Variants in NSMCE2 observed in about 807,000 individuals in gnomAD.
NSMCE2 encodes NSE2 SUMO ligase component of SMC5/6 complex.
NSMCE2 carries 24 observed loss-of-function variants against 23.8 expected under a neutral mutation model. The ratio of observed to expected loss-of-function variants is 1.01; its 90% CI spans 0.73 to 1.42. The LOEUF (loss-of-function observed/expected upper bound fraction) is 1.42, where lower values mean the gene tolerates loss of function less well. Among genes scored for constraint, NSMCE2 ranks in the 40% most tolerant of loss-of-function variants. NSMCE2 has a pLI of 0.00. For synonymous variants in NSMCE2, 92 were observed against 94.1 expected (o/e 0.98, Z 0.13); for missense variants, 284 against 296.5 (o/e 0.96, Z 0.31).
chr8:125,220,002 C>A (rs1005508475), intron 5 of NSMCE2, among the ~76,000 whole-genome samples: 36 of 152,168 alleles, frequency 2.4e-4, no homozygotes, highest in African/African-American at 8.4e-4. Flanking sequence ...TTCCCTCTTG[C>A]TATTAAAGAT....
intron 1 of NSMCE2, chr8:125,094,421 C>T (rs1817831886): frequency 6.6e-6 from 1 of 152,172 alleles, no homozygotes; most frequent in Non-Finnish European, 1.5e-5. Context: ...CATCCATTGC[C>T]TTTGCTTTTC....
chr8:125,131,667 C>G (rs955230097), intron 3 of NSMCE2, among the ~76,000 whole-genome samples: 30 of 152,068 alleles, frequency 2.0e-4, no homozygotes, highest in Non-Finnish European at 4.3e-4. Context: ...TCTTTGAAAC[C>G]CCTACAGAAA....
chr8:125,363,914 T>A (rs186152462), intron 7 of NSMCE2, among the ~76,000 whole-genome samples: 4 of 152,192 alleles, frequency 2.6e-5, no homozygotes, highest in African/African-American at 9.6e-5. Flanking sequence ...ACACATCATG[T>A]ACCTGAGTAT....
At chr8:125,191,260 T>C (rs567613430) in intron 5 of NSMCE2, among the ~76,000 whole-genome samples, 52 of 152,294 alleles carry the variant, frequency 3.4e-4, no homozygotes, top group African/African-American at 1.2e-3. Flanking sequence ...AGATGTAATA[T>C]AAGTTGCCTA....
chr8:125,198,714 G>C (rs1247590412), intron 5 of NSMCE2, among the ~76,000 whole-genome samples: 1 of 152,192 alleles, frequency 6.6e-6, no homozygotes, highest in Non-Finnish European at 1.5e-5. Flanking sequence ...AAAGGAGTTA[G>C]GGAGGTTCCC....
chr8:125,342,504 G>A (rs1830286882), intron 5 of NSMCE2, among the ~76,000 whole-genome samples: 1 of 152,058 alleles, frequency 6.6e-6, no homozygotes, highest in Non-Finnish European at 1.5e-5. Flanking sequence ...GACAAGGAGG[G>A]GGTGGGTGAG....
At chr8:125,256,677 G>A (rs1362154764) in intron 5 of NSMCE2, among the ~76,000 whole-genome samples, 1 of 152,108 alleles carries the variant, frequency 6.6e-6, no homozygotes, top group Non-Finnish European at 1.5e-5. Context: ...TGTAATCCCA[G>A]CACTTTGGGA....
chr8:125,316,033 C>T (rs1291539672), intron 5 of NSMCE2, among the ~76,000 whole-genome samples: 1 of 152,148 alleles, frequency 6.6e-6, no homozygotes, highest in East Asian at 1.9e-4. Context: ...TCTCAAATTC[C>T]TGGGCTCAGG....
At chr8:125,154,002 C>G (rs562850832) in intron 4 of NSMCE2, among the ~76,000 whole-genome samples, 1 of 152,212 alleles carries the variant, frequency 6.6e-6, no homozygotes, top group South Asian at 2.1e-4. Flanking sequence ...ACAAGGTGTT[C>G]ATGGCCTCTG....
At chr8:125,100,224 G>A (rs959937445) in intron 1 of NSMCE2, among the ~76,000 whole-genome samples, 1 of 152,124 alleles carries the variant, frequency 6.6e-6, no homozygotes, top group African/African-American at 2.4e-5. Flanking sequence ...AGTGTTGGAA[G>A]TTTCTAGTGA....
chr8:125,180,254 C>A (rs562173192), intron 4 of NSMCE2, among the ~76,000 whole-genome samples: 5 of 152,238 alleles, frequency 3.3e-5, no homozygotes, highest in Admixed American at 2.6e-4. Context: ...TTTATTCGTT[C>A]TTTAGCCATA....
rs543818962 is a variant in NSMCE2 at position 125,186,260 on chromosome 8, G to A, written c.418+4004G>A. On this transcript the variant is annotated intron_variant, in intron 5 of 7. Transcript: ENST00000287437. ...TGTTTTCTGTGGGTACTGTCACACT[G>A]TCATGGCAGGGTTGAGTGAGTGCAT... is the stretch of plus-strand genomic sequence containing the variant. Among the ~76,000 whole-genome samples, 10 of 152,342 alleles carry A rather than the reference G, an allele frequency of 6.6e-5. No homozygotes were observed. The East Asian group carries it at 1.9e-3, about 29-fold the overall frequency.
intron 5 of NSMCE2, among the ~76,000 whole-genome samples, chr8:125,229,863 A>G (rs911701517): frequency 1.3e-5 from 2 of 152,124 alleles, no homozygotes; most frequent in African/African-American, 4.8e-5. Flanking sequence ...CCTTTATTTT[A>G]TAGAATTTTT....
chr8:125,110,769 T>G (rs1374298398), intron 3 of NSMCE2, among the ~76,000 whole-genome samples: 10 of 149,638 alleles, frequency 6.7e-5, no homozygotes, highest in African/African-American at 1.2e-4. Flanking sequence ...GTTGTTTTTT[T>G]TTTTTTTTTT....
chr8:125,280,226 C>T (rs1056670373), intron 5 of NSMCE2, among the ~76,000 whole-genome samples: 1 of 152,174 alleles, frequency 6.6e-6, no homozygotes, highest in African/African-American at 2.4e-5. Context: ...ACTCCCTCTT[C>T]CCTGCCTTTG....
intron 5 of NSMCE2, among the ~76,000 whole-genome samples, chr8:125,186,043 A>G (rs1388484726): frequency 1.3e-5 from 2 of 152,246 alleles, no homozygotes; most frequent in African/African-American, 2.4e-5. Flanking sequence ...ACTCTGGGCC[A>G]TGGACCGAAT....
chr8:125,106,054 A>G (rs1818443178), intron 3 of NSMCE2, among the ~76,000 whole-genome samples: 1 of 151,544 alleles, frequency 6.6e-6, no homozygotes, highest in Admixed American at 6.6e-5. Flanking sequence ...GCATACACAC[A>G]CACACACACA....
intron 4 of NSMCE2, among the ~76,000 whole-genome samples, chr8:125,158,723 C>T (rs1285905232): frequency 6.6e-6 from 1 of 152,218 alleles, no homozygotes; most frequent in African/African-American, 2.4e-5. Context: ...CTTCCAACCT[C>T]ACAATTTTCA....
chr8:125,352,030 AG>A (rs898067785), intron 5 of NSMCE2, among the ~76,000 whole-genome samples: 24 of 152,132 alleles, frequency 1.6e-4, no homozygotes, highest in African/African-American at 5.8e-4. Flanking sequence ...ATATATACAT[AG>A]TGGGGCTTAA....
Sources: allele counts gnomAD v4.1 joint callset (sites outside exome capture counted in the v4.1 genomes callset), GRCh38; gene constraint gnomAD v4.1.1; transcripts MANE v1.5; gene names NCBI Gene and HGNC (gene_info 2026-07-23, HGNC 2026-07-21).